The following PHF20 variants were observed in gnomAD, a reference collection of about 807,000 sequenced individuals.
The protein encoded by PHF20 is glioma-expressed antigen 2.
PHF20 carries 23 observed loss-of-function variants against 113.5 expected under a neutral mutation model. The observed-to-expected ratio is 0.20, with a 90% CI of 0.15 to 0.29. The LOEUF (loss-of-function observed/expected upper bound fraction) is 0.29. Among genes scored for constraint, PHF20 ranks in the 10% least tolerant of loss-of-function variants. The pLI is 1.00. For synonymous variants in PHF20, 434 were observed against 457.3 expected (o/e 0.95, Z 0.65); for missense variants, 943 against 1,219.6 (o/e 0.77, Z 3.38).
chr20:35,940,249 G>T (rs991649534), intron 16 of PHF20, among the ~76,000 whole-genome samples: 2 of 152,134 alleles, frequency 1.3e-5, no homozygotes, highest in Admixed American at 6.5e-5. Context: ...GATCAGGCAG[G>T]TTTCCTAGAG....
chr20:35,852,741 G>A (rs537276865), intron 4 of PHF20, among the ~76,000 whole-genome samples: 1 of 151,780 alleles, frequency 6.6e-6, no homozygotes, highest in East Asian at 2.0e-4. Flanking sequence ...TGGGATTACA[G>A]GTGTGTGCCA....
chr20:35,862,300 T>C (rs1270901613), intron 5 of PHF20, among the ~76,000 whole-genome samples: 2 of 152,204 alleles, frequency 1.3e-5, no homozygotes, highest in Admixed American at 6.5e-5. Flanking sequence ...TGTTTTTCTA[T>C]AGACAAGACA....
chr20:35,926,983 T>C (rs2055652066), intron 13 of PHF20, among the ~76,000 whole-genome samples: 1 of 152,194 alleles, frequency 6.6e-6, no homozygotes, highest in East Asian at 1.9e-4. Flanking sequence ...TTCCCTCCTC[T>C]GGACCCTTAG....
intron 2 of PHF20, among the ~76,000 whole-genome samples, chr20:35,831,360 G>A (rs983984486): frequency 2.0e-5 from 3 of 152,222 alleles, no homozygotes; most frequent in Non-Finnish European, 2.9e-5. Context: ...GACAGATGGG[G>A]TCTCCCTATG....
chr20:35,880,947 G>A (rs1243748477), intron 9 of PHF20, among the ~76,000 whole-genome samples: 1 of 150,636 alleles, frequency 6.6e-6, no homozygotes, highest in Non-Finnish European at 1.5e-5. Flanking sequence ...ATGACAGAGC[G>A]AGACTCTGTC....
chr20:35,912,451 G>T (rs2055324872), intron 10 of PHF20, among the ~76,000 whole-genome samples: 1 of 152,104 alleles, frequency 6.6e-6, no homozygotes, highest in African/African-American at 2.4e-5. Flanking sequence ...TAAAGTTTTG[G>T]TATTTAGAAG....
rs1432850347 is a variant in PHF20 at position 35,803,113 on chromosome 20, A to G, written c.83+1508A>G. Among the ~76,000 whole-genome samples, 4 of 151,128 alleles carry G rather than the reference A, an allele frequency of 2.6e-5. No homozygotes were observed. The Admixed American group carries it at 2.6e-4, about 10-fold the overall frequency. ...CTAAAAATATAAAAATTAGCCGGGC[A>G]TGATGGTGCACGCATGTAGTCCTAG... On this transcript the variant is annotated intron_variant, in intron 2 of 17. Transcript: ENST00000374012.
At chr20:35,812,330 T>C (rs2041992986) in intron 2 of PHF20, among the ~76,000 whole-genome samples, 1 of 152,134 alleles carries the variant, frequency 6.6e-6, no homozygotes, top group Non-Finnish European at 1.5e-5. Context: ...TCCATGATAA[T>C]CTTTCTTCTT....
chr20:35,893,069 C>T (rs2054905929), intron 9 of PHF20, among the ~76,000 whole-genome samples: 1 of 152,256 alleles, frequency 6.6e-6, no homozygotes, highest in Admixed American at 6.5e-5. Flanking sequence ...TTGAGCCTCT[C>T]TGATCCTAGT....
At chr20:35,893,186 T>C (rs116795445) in intron 9 of PHF20, among the ~76,000 whole-genome samples, 211 of 152,364 alleles carry the variant, frequency 1.4e-3, no homozygotes, top group African/African-American at 4.6e-3. Context: ...GGATTTTGCT[T>C]TTGCAGGGGG....
chr20:35,892,376 A>G (rs1418849464), intron 9 of PHF20, among the ~76,000 whole-genome samples: 8 of 150,790 alleles, frequency 5.3e-5, no homozygotes, highest in Non-Finnish European at 1.5e-5. Context: ...CACCCGGCCA[A>G]TTTTGTATTT....
chr20:35,814,890 A>T (rs1600771771), intron 2 of PHF20, among the ~76,000 whole-genome samples: 2 of 138,718 alleles, frequency 1.4e-5, no homozygotes, highest in South Asian at 2.2e-4. Flanking sequence ...AAAAAAAAAA[A>T]TAAAATAAAT....
chr20:35,801,963 G>A (rs992206170), intron 2 of PHF20: 3 of 185,572 alleles, frequency 1.6e-5, no homozygotes, highest in Non-Finnish European at 3.4e-5. Flanking sequence ...AGAAAAAGGG[G>A]TTCGATTGGA....
chr20:35,873,996 G>A (rs141153609), intron 9 of PHF20, among the ~76,000 whole-genome samples: 1 of 152,124 alleles, frequency 6.6e-6, no homozygotes, highest in East Asian at 1.9e-4. Context: ...TTTTGAGATG[G>A]CATTTCACTC....
intron 2 of PHF20, among the ~76,000 whole-genome samples, chr20:35,819,011 G>A (rs1439562144): frequency 2.6e-5 from 4 of 151,748 alleles, no homozygotes; most frequent in Non-Finnish European, 5.9e-5. Flanking sequence ...GTTCACTGCA[G>A]CCTCCATCTC....
rs12480901 is a variant in PHF20, at chr20:35,818,413, G to C, written c.83+16808G>C. Among the ~76,000 whole-genome samples, 1,149 of 152,006 alleles carry C rather than the reference G, an allele frequency of 7.6e-3. 23 individuals are homozygous for C. The highest frequency in any genetic ancestry group is 0.055 in the East Asian group (282 of 5,136). On this transcript the variant is annotated intron_variant, in intron 2 of 17. Transcript: ENST00000374012. The stretch of plus-strand genomic sequence containing the variant: ...GTAGCTGGGACTACAGGCATGTGCC[G>C]CCACCCTTGGCTAAGTTTTGTATTT...
chr20:35,942,551 C>T (rs1486499978), intron 17 of PHF20, among the ~76,000 whole-genome samples: 1 of 152,164 alleles, frequency 6.6e-6, no homozygotes, highest in Non-Finnish European at 1.5e-5. Context: ...CTAGCCCTGC[C>T]GAATGGGCAG....
intron 10 of PHF20, among the ~76,000 whole-genome samples, chr20:35,910,052 C>G (rs1184573501): frequency 6.6e-6 from 1 of 152,156 alleles, no homozygotes; most frequent in Non-Finnish European, 1.5e-5. Context: ...GATTGTCTAC[C>G]CTGCCTCACA....
rs778353080 is a variant in PHF20, at chr20:35,869,431, A to G, written c.809-7A>G. On this transcript the variant is annotated splice_region_variant and splice_polypyrimidine_tract_variant and intron_variant, in intron 6 of 17. Transcript: ENST00000374012. ...TCTTTTTTTGTGTGGTTTTATAAAC[A>G]TGGTAGCTGTGGATTCAAACTCTCA... The G allele has an allele frequency of 3.4e-6, 5 of 1,462,446 alleles. No homozygotes were observed. The African/African-American group carries it at 5.6e-5, about 16-fold the overall frequency. 90.6% of individuals were successfully genotyped at this position (1,462,446 alleles called of 1,614,324 possible). A position where few individuals can be genotyped will look rare whatever the true frequency, so the allele number is the denominator to read the frequency against.
Sources: allele counts gnomAD v4.1 joint callset (sites outside exome capture counted in the v4.1 genomes callset), GRCh38; gene constraint gnomAD v4.1.1; transcripts MANE v1.5; gene names NCBI Gene and HGNC (gene_info 2026-07-23, HGNC 2026-07-21).